The following DPP6 variants were observed in gnomAD, a reference collection of about 807,000 sequenced individuals.
DPP6 encodes the protein A-type potassium channel modulatory protein DPP6.
Under a neutral mutation model 122.6 loss-of-function variants are expected in DPP6, and 69 were observed. The ratio of observed to expected loss-of-function variants is 0.56; its 90% CI spans 0.46 to 0.69. DPP6 has a LOEUF of 0.69. Among genes scored for constraint, DPP6 ranks in the 30% least tolerant of loss-of-function variants. DPP6 has a pLI of 0.00. For synonymous variants in DPP6, 418 were observed against 433.1 expected, an observed-to-expected ratio of 0.97 and a Z score of 0.43; for missense variants, 928 against 1,116.9, an observed-to-expected ratio of 0.83 and a Z score of 2.41.
intron 5 of DPP6, among the ~76,000 whole-genome samples, chr7:154,633,679 A>G (rs1203546513): frequency 6.6e-6 from 1 of 152,256 alleles, no homozygotes; most frequent in Non-Finnish European, 1.5e-5. Context: ...TGTACAAATG[A>G]AAACGCTTCA....
rs535107944 is a variant in DPP6 at position 154,892,575 on chromosome 7, C to T, written c.*95C>T. On this transcript the variant is annotated 3_prime_UTR_variant, in exon 26 of 26. Transcript: ENST00000377770. ...TCCCTCTTCCCTCGGAGGGGCGGGG[C>T]GGGGCGGGGCCGGGTGTTCCATAGC... 30 of 522,996 alleles carry T rather than the reference C, an allele frequency of 5.7e-5. No individual in the cohort carries two copies. The highest frequency in any genetic ancestry group is 4.8e-4 in the Middle Eastern group (1 of 2,066). 32.4% of individuals were successfully genotyped at this position (522,996 alleles called of 1,614,324 possible).
chr7:154,424,050 C>G (rs182209912), intron 1 of DPP6, among the ~76,000 whole-genome samples: 1 of 152,282 alleles, frequency 6.6e-6, no homozygotes, highest in African/African-American at 2.4e-5. Flanking sequence ...TTTGACTCTT[C>G]CCAATCATTT....
At chr7:153,817,630 A>G in the DPP6 span, among the ~76,000 whole-genome samples, 1 of 151,836 alleles carries the variant, frequency 6.6e-6, no homozygotes, top group Non-Finnish European at 1.5e-5. Flanking sequence ...AACATGGATG[A>G]AGCTGGAAAC....
At chr7:154,754,123 A>G (rs1481079508) in intron 8 of DPP6, among the ~76,000 whole-genome samples, 3 of 152,198 alleles carry the variant, frequency 2.0e-5, no homozygotes, top group Admixed American at 6.5e-5. Context: ...TGAGATTAGG[A>G]AATATTTGTG....
chr7:153,847,088 C>T, the DPP6 span, among the ~76,000 whole-genome samples: 2 of 152,136 alleles, frequency 1.3e-5, no homozygotes, highest in Admixed American at 1.3e-4. Flanking sequence ...TAGCCATCTC[C>T]AACTGATGTT....
At chr7:154,017,077 G>T (rs3864489) in intron 1 of DPP6, among the ~76,000 whole-genome samples, 1 of 151,996 alleles carries the variant, frequency 6.6e-6, no homozygotes, top group Non-Finnish European at 1.5e-5. Context: ...AACAATATAT[G>T]TTTTTTTTGA....
chr7:154,580,182 C>G (rs1586672722), intron 5 of DPP6, among the ~76,000 whole-genome samples: 1 of 150,886 alleles, frequency 6.6e-6, no homozygotes, highest in Admixed American at 6.6e-5. Context: ...CACATGCACA[C>G]ATACTCTCCC....
chr7:154,180,954 C>T (rs1251167497), intron 1 of DPP6, among the ~76,000 whole-genome samples: 1 of 152,154 alleles, frequency 6.6e-6, no homozygotes, highest in Non-Finnish European at 1.5e-5. Context: ...GTCTTACTTA[C>T]AAGACTCTTT....
In DPP6 at chr7:154,528,770, G is replaced by T. The variant is rs555050851; in HGVS notation, c.458-11762G>T. On this transcript the variant is annotated intron_variant, in intron 3 of 25. Coordinates refer to ENST00000377770, the MANE Select transcript of DPP6 (RefSeq NM_130797.4). The stretch of plus-strand genomic sequence containing the variant: ...AAGCAGAGAGAGATTAATTCTGCCT[G>T]GAAAAGGCATGAAAACTGTACAAGG... 5.3e-5 allele frequency among the ~76,000 whole-genome samples: 8 copies of T among 152,332 alleles called. No individual in the cohort carries two copies. The South Asian group carries it at 1.7e-3, about 32-fold the overall frequency.
intron 1 of DPP6, among the ~76,000 whole-genome samples, chr7:153,967,695 G>T (rs1295050321): frequency 6.6e-6 from 1 of 152,066 alleles, no homozygotes; most frequent in Non-Finnish European, 1.5e-5. Context: ...ACTGTTGGTG[G>T]TGCTTCATGG....
chr7:153,890,334 CAAATCCAGTTCAGCCATGCCTGT>C (rs1799133591), intron 1 of DPP6, among the ~76,000 whole-genome samples: 1 of 152,166 alleles, frequency 6.6e-6, no homozygotes, highest in African/African-American at 2.4e-5. Context: ...ACGGAAATGT[CAAATCCAGTTCAGCCATGCCTGT>C]AAACTGCTTT....
Position 154,892,796 on chromosome 7 carries a change from C to A in DPP6, c.*316C>A, listed in dbSNP as rs754076555. On this transcript the variant is annotated 3_prime_UTR_variant, in exon 26 of 26. Coordinates refer to ENST00000377770, the MANE Select transcript of DPP6 (RefSeq NM_130797.4). ...AAGGATGGTGGCCGCAGGCCCCACG[C>A]GAGCCCACAGGACACCGGCCCCTAG... The A allele has an allele frequency of 1.7e-6, 1 of 587,434 alleles. No homozygotes were observed. Among genetic ancestry groups the A allele is most frequent in the Non-Finnish European group, 3.3e-6 (1 of 306,596 alleles). The allele number at this position is 587,434 out of a possible 1,614,324, so 36.4% of individuals were successfully genotyped here.
chr7:154,432,615 C>T (rs897066887), intron 1 of DPP6, among the ~76,000 whole-genome samples: 4 of 152,218 alleles, frequency 2.6e-5, no homozygotes, highest in African/African-American at 9.7e-5. Flanking sequence ...GCTTTCAACA[C>T]CTGCACTGGA....
At chr7:154,790,865 G>T (rs1797631080) in intron 10 of DPP6, among the ~76,000 whole-genome samples, 1 of 146,150 alleles carries the variant, frequency 6.8e-6, no homozygotes, top group African/African-American at 2.5e-5. Context: ...AGGGGAGGGA[G>T]GGAGGGAAAA....
intron 5 of DPP6, among the ~76,000 whole-genome samples, chr7:154,598,085 T>G (rs1399815708): frequency 6.6e-6 from 1 of 152,090 alleles, no homozygotes; most frequent in Non-Finnish European, 1.5e-5. Context: ...ATTCAACACA[T>G]AGAAAACAGT....
intron 1 of DPP6, among the ~76,000 whole-genome samples, chr7:154,139,697 A>G (rs1444678630): frequency 2.6e-5 from 4 of 151,724 alleles, no homozygotes; most frequent in Non-Finnish European, 4.4e-5. Context: ...GTCCGGTGAA[A>G]TGCATTTGAT....
At chr7:154,684,320 T>C (rs940783932) in intron 7 of DPP6, among the ~76,000 whole-genome samples, 2 of 152,090 alleles carry the variant, frequency 1.3e-5, no homozygotes, top group African/African-American at 4.8e-5. Context: ...TCCTTGTTAT[T>C]CTCCCCCAGC....
intron 1 of DPP6, among the ~76,000 whole-genome samples, chr7:154,411,003 C>T (rs180935451): frequency 5.6e-4 from 85 of 152,214 alleles, no homozygotes; most frequent in Admixed American, 1.2e-3. Flanking sequence ...TGTTCCCTGC[C>T]CCAACTCCGT....
intron 1 of DPP6, among the ~76,000 whole-genome samples, chr7:153,901,100 C>T (rs747415542): frequency 3.0e-4 from 46 of 152,050 alleles, no homozygotes; most frequent in Non-Finnish European, 5.1e-4. Flanking sequence ...ATTCAGAAGC[C>T]AACCACAAAG....
Sources: allele counts gnomAD v4.1 joint callset (sites outside exome capture counted in the v4.1 genomes callset), GRCh38; gene constraint gnomAD v4.1.1; transcripts MANE v1.5; gene names NCBI Gene and HGNC (gene_info 2026-07-23, HGNC 2026-07-21).